Variants in EPB41L5 observed in about 807,000 individuals in gnomAD.
EPB41L5 encodes band 4.1-like protein 5.
A neutral mutation model predicts 106.6 loss-of-function variants in EPB41L5; 55 were observed. That is an observed-to-expected ratio of 0.52 (90% confidence interval 0.42 to 0.65). The LOEUF is 0.65. Ranked by LOEUF, EPB41L5 falls within the 30% of genes least tolerant of loss-of-function variation. EPB41L5 has a pLI of 0.00. For missense variants in EPB41L5, 871 were observed against 882.1 expected (o/e 0.99, Z 0.16); for synonymous variants, 297 against 306.7 (o/e 0.97, Z 0.33).
At chr2:120,020,815 T>TAAAA (rs57155762) in intron 2 of EPB41L5, among the ~76,000 whole-genome samples, 688 of 20,158 alleles carry the variant, frequency 0.034, 2 homozygotes, top group African/African-American at 0.094. Flanking sequence ...GTAGAATTTG[T>TAAAA]AAAAAAAAAA....
At chr2:120,031,903 G>C (rs1678735838) in intron 2 of EPB41L5, among the ~76,000 whole-genome samples, 1 of 152,050 alleles carries the variant, frequency 6.6e-6, no homozygotes, top group Non-Finnish European at 1.5e-5. Context: ...TGGGAGGTTG[G>C]GGTAGGAGGA....
chr2:120,118,647 T>C (rs1349622101), intron 16 of EPB41L5, among the ~76,000 whole-genome samples: 3 of 152,220 alleles, frequency 2.0e-5, no homozygotes, highest in Admixed American at 6.5e-5. Flanking sequence ...CTTCCAGTTC[T>C]ATCCATGTCC....
chr2:120,068,586 G>T (rs957048980), intron 3 of EPB41L5, among the ~76,000 whole-genome samples: 1 of 152,208 alleles, frequency 6.6e-6, no homozygotes, highest in African/African-American at 2.4e-5. Flanking sequence ...AAACAAAGCC[G>T]CCAGGAAGTT....
intron 10 of EPB41L5, among the ~76,000 whole-genome samples, chr2:120,086,891 A>G (rs1683096136): frequency 6.6e-6 from 1 of 152,182 alleles, no homozygotes; most frequent in African/African-American, 2.4e-5. Flanking sequence ...AATCTCTTAC[A>G]CCATAATCGA....
intron 16 of EPB41L5, chr2:120,104,348 C>T (rs1684326908): frequency 3.5e-6 from 5 of 1,418,532 alleles, no homozygotes; most frequent in Non-Finnish European, 3.7e-6. Context: ...GGAGAATTTA[C>T]AGTGAGTCAC....
At chr2:120,072,832 A>G (rs758546158) in intron 3 of EPB41L5, among the ~76,000 whole-genome samples, 1 of 152,040 alleles carries the variant, frequency 6.6e-6, no homozygotes, top group African/African-American at 2.4e-5. Flanking sequence ...TCTAATGTAG[A>G]TGATGTGTTG....
At chr2:120,051,773 C>G (rs1336636013) in intron 3 of EPB41L5, among the ~76,000 whole-genome samples, 1 of 152,206 alleles carries the variant, frequency 6.6e-6, no homozygotes, top group Non-Finnish European at 1.5e-5. Context: ...TCTCTCTACA[C>G]TGGGTGATGT....
intron 11 of EPB41L5, among the ~76,000 whole-genome samples, chr2:120,089,338 CCTTT>C (rs765323021): frequency 6.6e-6 from 1 of 151,964 alleles, no homozygotes; most frequent in Non-Finnish European, 1.5e-5. Flanking sequence ...CTACCTACCC[CCTTT>C]CTTCTGGTAC....
At chr2:120,103,920 A>G (rs1257492116) in intron 16 of EPB41L5, 2 of 882,888 alleles carry the variant, frequency 2.3e-6, no homozygotes, top group Non-Finnish European at 3.1e-6. Context: ...TTATCATTGC[A>G]TGGAGTAGAT....
chr2:120,017,005 G>A (rs1677570487), intron 1 of EPB41L5, among the ~76,000 whole-genome samples: 1 of 152,222 alleles, frequency 6.6e-6, no homozygotes, highest in Admixed American at 6.5e-5. Context: ...GTATACATGT[G>A]TAAAATGTGT....
intron 10 of EPB41L5, among the ~76,000 whole-genome samples, chr2:120,082,158 T>G (rs1394209210): frequency 6.6e-6 from 1 of 151,914 alleles, no homozygotes; most frequent in Admixed American, 6.6e-5. Context: ...TGAATAGGAG[T>G]GGTGAGAGAG....
At chr2:120,067,099 A>G (rs1681495022) in intron 3 of EPB41L5, among the ~76,000 whole-genome samples, 1 of 152,268 alleles carries the variant, frequency 6.6e-6, no homozygotes, top group South Asian at 2.1e-4. Context: ...TAGGCTTAAA[A>G]GTAGATGTCC....
At chr2:120,061,810 A>G (rs1451455763) in intron 3 of EPB41L5, among the ~76,000 whole-genome samples, 2 of 152,218 alleles carry the variant, frequency 1.3e-5, no homozygotes, top group Non-Finnish European at 2.9e-5. Flanking sequence ...AGATGTCAGT[A>G]TTAATTATGT....
intron 23 of EPB41L5, 150 bp from the exon 24 acceptor site, chr2:120,167,727 G>A (rs1370817250): frequency 9.1e-7 from 1 of 1,103,180 alleles, no homozygotes; most frequent in African/African-American, 1.6e-5. Context: ...CTCAGATGAA[G>A]AATAGTTAAG....
In EPB41L5 at chr2:120,019,128, G is replaced by A. The variant is rs774267991; in HGVS notation, c.44G>A (p.Arg15His). 4.4e-6 allele frequency: 7 copies of A among 1,592,856 alleles called. No individual in the cohort carries two copies. Among genetic ancestry groups the A allele is most frequent in the South Asian group, 3.3e-5 (3 of 90,752 alleles). ...FRRTLGRRSM[R>H]KHAEKERLRE... ...AGAACACTAGGGCGTCGGTCTATGC[G>A]TAAACATGCAGAGAAGGAACGACTC... Residue 15 changes from arginine (R) to histidine (H), a missense_variant, in exon 2 of 25, where the codon CGT becomes CAT. Transcript: ENST00000263713.
chr2:120,173,251 A>G (rs946962769), intron 24 of EPB41L5, among the ~76,000 whole-genome samples: 12 of 151,902 alleles, frequency 7.9e-5, no homozygotes, highest in Admixed American at 1.3e-4. Flanking sequence ...TGCTGAAAAG[A>G]TAAGAAGGCA....
intron 21 of EPB41L5, among the ~76,000 whole-genome samples, chr2:120,163,386 C>T (rs888059494): frequency 5.3e-5 from 8 of 151,184 alleles, no homozygotes; most frequent in Admixed American, 2.0e-4. Context: ...TTAAAATTCT[C>T]CCAGACCCCC....
chr2:120,100,375 T>C lies in EPB41L5; in HGVS notation c.1221+89T>C, dbSNP rs1033238612. 1.3e-5 allele frequency: 16 copies of C among 1,225,454 alleles called. No homozygotes were observed. In the African/African-American group the frequency reaches 1.8e-4, roughly 14 times the overall value. The allele number at this position is 1,225,454 out of a possible 1,614,324, so 75.9% of individuals were successfully genotyped here. On this transcript the variant is annotated intron_variant, in intron 15 of 24. Transcript: ENST00000263713. ...TTGATTGGATTTTCATAGTGGTGTA[T>C]GTAACCCTGCACAAATTATGTGCAT...
chr2:120,090,220 T>C, intron 11 of EPB41L5, 127 bp from the exon 12 acceptor site: 1 of 689,284 alleles, frequency 1.5e-6, no homozygotes, highest in Non-Finnish European at 2.3e-6. Context: ...GTTGATACTA[T>C]AAAGAGTGTC....
Sources: allele counts gnomAD v4.1 joint callset (sites outside exome capture counted in the v4.1 genomes callset), GRCh38; gene constraint gnomAD v4.1.1; transcripts MANE v1.5; gene names NCBI Gene and HGNC (gene_info 2026-07-23, HGNC 2026-07-21).